Variants in PDE11A observed in about 807,000 individuals in gnomAD.
The protein encoded by PDE11A is dual 3',5'-cyclic-AMP and -GMP phosphodiesterase 11A.
In PDE11A, 100 loss-of-function variants were observed where a neutral mutation model predicts 100.5. That is an observed-to-expected ratio of 1.00 (90% CI 0.85 to 1.18). The LOEUF (loss-of-function observed/expected upper bound fraction) is 1.18, where lower values mean the gene tolerates loss of function less well. Ranked by LOEUF, PDE11A falls within the 50% of genes most tolerant of loss-of-function variation. The pLI is 0.00. For missense variants in PDE11A, 1,141 were observed against 1,152.6 expected (o/e 0.99, Z 0.15); for synonymous variants, 381 against 420.8 (o/e 0.91, Z 1.16).
chr2:177,917,800 T>C (rs191868526), intron 2 of PDE11A, among the ~76,000 whole-genome samples: 138 of 152,330 alleles, frequency 9.1e-4, no homozygotes, highest in African/African-American at 3.2e-3. Flanking sequence ...TTTTTTTTAA[T>C]TTCCAAAATA....
At chr2:177,887,143 T>C (rs1172856421) in intron 4 of PDE11A, among the ~76,000 whole-genome samples, 1 of 152,052 alleles carries the variant, frequency 6.6e-6, no homozygotes, top group Admixed American at 6.6e-5. Flanking sequence ...GGGCAAACTA[T>C]TAGACAGGTA....
intron 10 of PDE11A, among the ~76,000 whole-genome samples, chr2:177,736,833 T>A (rs909147940): frequency 6.6e-6 from 1 of 152,308 alleles, no homozygotes; most frequent in South Asian, 2.1e-4. Context: ...GTAAGGACTT[T>A]AGCTCATTAG....
intron 2 of PDE11A, among the ~76,000 whole-genome samples, chr2:177,927,476 C>T (rs141227816): frequency 6.6e-5 from 10 of 152,188 alleles, no homozygotes; most frequent in African/African-American, 1.9e-4. Context: ...TCTCATTACA[C>T]TCCAGGATAC....
chr2:177,825,234 C>G (rs1230980714), intron 6 of PDE11A, among the ~76,000 whole-genome samples: 1 of 152,146 alleles, frequency 6.6e-6, no homozygotes, highest in African/African-American at 2.4e-5. Flanking sequence ...AGAGCTGCAA[C>G]TATTCAGAGC....
chr2:178,023,338 C>T lies in PDE11A; in HGVS notation c.913-8878G>A, dbSNP rs539332903. On this transcript the variant is annotated intron_variant, in intron 1 of 19. Transcript: ENST00000286063. ...CCCAAAAAAACACACTTTAGAGGTA[C>T]GAAAGAAGCCTCGAAGCAAAACAAA... Among the ~76,000 whole-genome samples, 35 of 152,266 alleles carry T rather than the reference C, an allele frequency of 2.3e-4. No homozygotes were observed. In the South Asian group the frequency reaches 2.9e-3, roughly 13 times the overall value.
At chr2:177,928,891 G>A (rs930067551) in intron 2 of PDE11A, among the ~76,000 whole-genome samples, 1 of 151,876 alleles carries the variant, frequency 6.6e-6, no homozygotes, top group African/African-American at 2.4e-5. Context: ...AAAAATAACA[G>A]AATAGTCTAT....
At chr2:178,064,908 T>C (rs949286455) in intron 1 of PDE11A, among the ~76,000 whole-genome samples, 7 of 152,116 alleles carry the variant, frequency 4.6e-5, no homozygotes, top group Non-Finnish European at 2.9e-5. Context: ...TAAGCTATAT[T>C]TTATGATAGG....
chr2:177,888,380 G>C (rs921813567), intron 4 of PDE11A, among the ~76,000 whole-genome samples: 1 of 152,060 alleles, frequency 6.6e-6, no homozygotes, highest in South Asian at 2.1e-4. Flanking sequence ...CCACTACAAA[G>C]TGGAGGCAAA....
Position 177,897,023 on chromosome 2 carries a change from T to TA in PDE11A, c.1302+1034dup, listed in dbSNP as rs984820396. Among the ~76,000 whole-genome samples the TA allele has an allele frequency of 8.0e-4, 122 of 152,328 alleles. 1 individual carries two copies. Among genetic ancestry groups the TA allele is most frequent in the Middle Eastern group, 3.4e-3 (1 of 294 alleles). Reference sequence around the variant, plus strand: ...AAAAGATACTCAATATTGTAAGTCTTACAATACTTATTAAATGTCCAAAAT... The same window carrying TA: ...AAAAGATACTCAATATTGTAAGTCTTAACAATACTTATTAAATGTCCAAAAT... On this transcript the variant is annotated intron_variant, in intron 4 of 19. Coordinates refer to ENST00000286063, the MANE Select transcript of PDE11A (RefSeq NM_016953.4).
chr2:177,801,486 A>G (rs7563140), intron 9 of PDE11A, among the ~76,000 whole-genome samples: 144,062 of 152,182 alleles, frequency 0.95, 68,687 homozygotes, highest in East Asian at 1. Context: ...ACAGTTTCAA[A>G]AGAACTCAAA....
At chr2:178,029,127 A>T (rs2086514473) in intron 1 of PDE11A, among the ~76,000 whole-genome samples, 1 of 152,198 alleles carries the variant, frequency 6.6e-6, no homozygotes, top group African/African-American at 2.4e-5. Flanking sequence ...CAGCATGCTC[A>T]CGTACATCTG....
intron 18 of PDE11A, among the ~76,000 whole-genome samples, chr2:177,666,313 T>C (rs2105482629): frequency 6.6e-6 from 1 of 152,386 alleles, no homozygotes; most frequent in African/African-American, 2.4e-5. Context: ...CATCAGTTGA[T>C]TGACATTTGA....
In PDE11A at chr2:178,093,210, T is replaced by C. The variant is rs182977182; in HGVS notation, c.162+11092A>G. ...TTTAGGGTCTTCTATGGTAAACCAA[T>C]GAACTACCACCAAAGACATGTTATG... On this transcript the variant is annotated intron_variant, in intron 2 of 20. Transcript: ENST00000358450. Among the ~76,000 whole-genome samples the C allele has an allele frequency of 3.3e-5, 5 of 152,308 alleles. No individual in the cohort carries two copies. In the East Asian group the frequency reaches 9.7e-4, roughly 29 times the overall value.
chr2:177,824,865 AC>A (rs2083203049), intron 6 of PDE11A, among the ~76,000 whole-genome samples: 1 of 152,218 alleles, frequency 6.6e-6, no homozygotes, highest in Admixed American at 6.6e-5. Flanking sequence ...CTATGGGTAT[AC>A]AAAAGCATAT....
intron 2 of PDE11A, among the ~76,000 whole-genome samples, chr2:177,958,553 C>G (rs1347048247): frequency 6.6e-6 from 1 of 152,206 alleles, no homozygotes; most frequent in East Asian, 1.9e-4. Flanking sequence ...GAATATCATT[C>G]TTGCATACAC....
At chr2:177,755,056 A>G (rs1033871722) in intron 10 of PDE11A, among the ~76,000 whole-genome samples, 1 of 152,188 alleles carries the variant, frequency 6.6e-6, no homozygotes, top group Non-Finnish European at 1.5e-5. Context: ...GCTTTTCTAT[A>G]TATCAGAGAC....
At chr2:177,866,837 T>C (rs2084037840) in intron 5 of PDE11A, among the ~76,000 whole-genome samples, 1 of 152,224 alleles carries the variant, frequency 6.6e-6, no homozygotes, top group Non-Finnish European at 1.5e-5. Flanking sequence ...TGGTACTTAA[T>C]AATAACCAAT....
chr2:177,971,710 T>C (rs2085772593), intron 2 of PDE11A, among the ~76,000 whole-genome samples: 2 of 152,124 alleles, frequency 1.3e-5, no homozygotes, highest in Non-Finnish European at 2.9e-5. Flanking sequence ...TAAGTCCCGT[T>C]ATGTAAGGTC....
intron 2 of PDE11A, among the ~76,000 whole-genome samples, chr2:178,013,007 TAC>T (rs1443261405): frequency 1.3e-5 from 2 of 152,230 alleles, no homozygotes; most frequent in Non-Finnish European, 2.9e-5. Context: ...TAAAGTGGCC[TAC>T]ATTTATATTC....
Sources: gnomAD v4.1 joint callset for allele counts (sites outside exome capture counted in the v4.1 genomes callset) on GRCh38, gnomAD v4.1.1 for gene constraint, MANE v1.5 for transcripts, NCBI Gene and HGNC (gene_info 2026-07-23, HGNC 2026-07-21) for gene names.